CEP57L1: variants seen among roughly 807,000 people sequenced by gnomAD.
CEP57L1 encodes centrosomal protein 57 like 1.
Under a neutral mutation model 61.0 loss-of-function variants are expected in CEP57L1, and 37 were observed. The observed-to-expected ratio is 0.61, with a 90% CI of 0.47 to 0.80. The LOEUF (loss-of-function observed/expected upper bound fraction) is 0.80. Ranked by LOEUF, CEP57L1 falls within the 30% of genes least tolerant of loss-of-function variation. The pLI is 0.00. For synonymous variants in CEP57L1, 137 were observed against 162.3 expected, an observed-to-expected ratio of 0.84 and a Z score of 1.19; for missense variants, 422 against 524.7, an observed-to-expected ratio of 0.80 and a Z score of 1.91.
intron 1 of CEP57L1, among the ~76,000 whole-genome samples, chr6:109,118,219 TAG>T (rs1475818054): frequency 6.6e-6 from 1 of 152,198 alleles, no homozygotes; most frequent in African/African-American, 2.4e-5. Flanking sequence ...GTATTTTTAG[TAG>T]AGACAGGGTT....
At chr6:109,150,262 A>G (rs1243035062) in intron 4 of CEP57L1, 23 bp downstream of exon 4, 8 of 1,580,616 alleles carry the variant, frequency 5.1e-6, no homozygotes, top group Non-Finnish European at 6.9e-6. Flanking sequence ...TCTATAAGGA[A>G]TGATAATATA....
intron 1 of CEP57L1, among the ~76,000 whole-genome samples, chr6:109,128,162 C>T (rs971164315): frequency 3.3e-5 from 5 of 152,176 alleles, no homozygotes; most frequent in Non-Finnish European, 7.4e-5. Flanking sequence ...ATTCATATTT[C>T]AGTCTGCTTG....
intron 10 of CEP57L1, among the ~76,000 whole-genome samples, chr6:109,162,243 A>G (rs1773781060): frequency 6.6e-6 from 1 of 152,134 alleles, no homozygotes; most frequent in African/African-American, 2.4e-5. Flanking sequence ...ATACATATGC[A>G]CATGTGTGTG....
In CEP57L1 at chr6:109,172,603, G is replaced by T. The variant is rs909458208; in HGVS notation, c.*9633G>T. The stretch of plus-strand genomic sequence containing the variant: ...ACTGCGGTATTGTTTTTTGTTTTCT[G>T]ACCCAAAAGTGATGTGCATTGCTTA... On this transcript the variant is annotated 3_prime_UTR_variant, in exon 11 of 11. Coordinates refer to ENST00000517392, the MANE Select transcript of CEP57L1 (RefSeq NM_001271852.3). 1.3e-5 allele frequency among the ~76,000 whole-genome samples: 2 copies of T among 152,056 alleles called. No individual in the cohort carries two copies. The highest frequency in any genetic ancestry group is 2.9e-5 in the Non-Finnish European group (2 of 68,000).
chr6:109,148,604 C>A lies in CEP57L1; in HGVS notation c.341-1514C>A, dbSNP rs549785320. Among the ~76,000 whole-genome samples, 62 of 152,180 alleles carry A rather than the reference C, an allele frequency of 4.1e-4. No individual in the cohort carries two copies. In the East Asian group the frequency reaches 6.8e-3, roughly 17 times the overall value. ...ACGTGTGCATGTGTCTTTGTAGCAG[C>A]ATGATTTATAATCCTTTGGGTATAT... is the stretch of plus-strand genomic sequence containing the variant. On this transcript the variant is annotated intron_variant, in intron 3 of 10. Transcript: ENST00000517392.
At chr6:109,124,434 T>G (rs988922549) in intron 1 of CEP57L1, among the ~76,000 whole-genome samples, 1 of 152,172 alleles carries the variant, frequency 6.6e-6, no homozygotes, top group Non-Finnish European at 1.5e-5. Flanking sequence ...CAATATAGTG[T>G]GGTGATTTAG....
At chr6:109,149,028 C>A (rs1403430009) in intron 3 of CEP57L1, among the ~76,000 whole-genome samples, 5 of 152,166 alleles carry the variant, frequency 3.3e-5, no homozygotes, top group African/African-American at 1.2e-4. Flanking sequence ...AGCCCTTTGT[C>A]AGATGAATAG....
intron 1 of CEP57L1, among the ~76,000 whole-genome samples, chr6:109,141,194 C>T (rs112952485): frequency 6.6e-6 from 1 of 151,940 alleles, no homozygotes; most frequent in African/African-American, 2.4e-5. Flanking sequence ...CAAGATGAAG[C>T]CTTAAATGGA....
chr6:109,150,331 G>C, intron 4 of CEP57L1, 92 bp downstream of exon 4: 2 of 1,491,290 alleles, frequency 1.3e-6, no homozygotes, highest in Non-Finnish European at 1.8e-6. Flanking sequence ...GGCAAAGGTG[G>C]CATAATGTTA....
At chr6:109,125,974 A>G (rs913877419) in intron 1 of CEP57L1, among the ~76,000 whole-genome samples, 1 of 152,146 alleles carries the variant, frequency 6.6e-6, no homozygotes, top group Non-Finnish European at 1.5e-5. Flanking sequence ...AAAGCACAAT[A>G]TGTGTGTGTG....
chr6:109,101,110 A>G (rs1782341255), intron 1 of CEP57L1, among the ~76,000 whole-genome samples: 1 of 152,082 alleles, frequency 6.6e-6, no homozygotes, highest in South Asian at 2.1e-4. Flanking sequence ...CTGTCTTAGG[A>G]AAAAAACAAA....
Position 109,148,160 on chromosome 6 carries a change from C to A in CEP57L1, c.340+1223C>A, listed in dbSNP as rs530327799. On this transcript the variant is annotated intron_variant, in intron 3 of 10. Coordinates refer to ENST00000517392, the MANE Select transcript of CEP57L1 (RefSeq NM_001271852.3). Reference sequence around the variant, plus strand: ...TACTTTAAGTTTTAGGGTACATGTGCACAATGTGCAGGTTAGTTACATATG... The same window carrying A: ...TACTTTAAGTTTTAGGGTACATGTGAACAATGTGCAGGTTAGTTACATATG... Among the ~76,000 whole-genome samples, 157 of 151,834 alleles carry A rather than the reference C, an allele frequency of 1.0e-3. 1 individual carries two copies. The highest frequency in any genetic ancestry group is 1.8e-3 in the Non-Finnish European group (123 of 67,930).
At chr6:109,120,887 A>G (rs1453203581) in intron 1 of CEP57L1, among the ~76,000 whole-genome samples, 1 of 150,970 alleles carries the variant, frequency 6.6e-6, no homozygotes, top group Non-Finnish European at 1.5e-5. Context: ...CTGCAGTCTT[A>G]GAAAATTCCT....
rs533524797 is a variant in CEP57L1, at chr6:109,096,592, A to G, written c.-4+1017A>G. Among the ~76,000 whole-genome samples, 3 of 152,340 alleles carry G rather than the reference A, an allele frequency of 2.0e-5. No homozygotes were observed. The South Asian group carries it at 6.2e-4, about 32-fold the overall frequency. On this transcript the variant is annotated intron_variant, in intron 1 of 10. Coordinates refer to ENST00000517392, the MANE Select transcript of CEP57L1 (RefSeq NM_001271852.3). ...TTGTGTATTGATGCACTTAGAAGCT[A>G]CAAAGAGACAGGTATTGTGAATTCT...
chr6:109,151,239 T>C (rs2114906828), intron 4 of CEP57L1, among the ~76,000 whole-genome samples: 1 of 152,270 alleles, frequency 6.6e-6, no homozygotes, highest in Admixed American at 6.5e-5. Flanking sequence ...TTTAAGGAAC[T>C]AGAGAATTTA....
intron 1 of CEP57L1, among the ~76,000 whole-genome samples, chr6:109,109,279 GCTTCAT>G (rs1445297049): frequency 6.6e-6 from 1 of 152,114 alleles, no homozygotes; most frequent in Admixed American, 6.5e-5. Context: ...GAAAATGCAT[GCTTCAT>G]CTTCATTTTG....
At chr6:109,130,454 A>G (rs1463089650) in intron 1 of CEP57L1, among the ~76,000 whole-genome samples, 1 of 152,106 alleles carries the variant, frequency 6.6e-6, no homozygotes, top group African/African-American at 2.4e-5. Context: ...GCTTGTATAT[A>G]TCACATTTTG....
chr6:109,156,066 T>TA lies in CEP57L1; in HGVS notation c.744+196dup. ...ACAGAAAATTTCATAAGATTCAGGTTAAAAAAAGTAGCAGCAGTCATGTAC... is the reference window on the plus strand; with the variant it reads ...ACAGAAAATTTCATAAGATTCAGGTTAAAAAAAAGTAGCAGCAGTCATGTAC... On this transcript the variant is annotated intron_variant, in intron 7 of 10. Transcript: ENST00000517392. The TA allele has an allele frequency of 9.7e-6, 4 of 414,268 alleles. No individual in the cohort carries two copies. The Admixed American group carries it at 1.4e-4, about 14-fold the overall frequency. The allele number at this position is 414,268 out of a possible 1,614,324, so 25.7% of individuals were successfully genotyped here. A position where few individuals can be genotyped will look rare whatever the true frequency, so the allele number is the denominator to read the frequency against.
intron 10 of CEP57L1, among the ~76,000 whole-genome samples, chr6:109,161,768 A>G (rs775966144): frequency 6.6e-6 from 1 of 152,108 alleles, no homozygotes; most frequent in Non-Finnish European, 1.5e-5. Context: ...CTCAGGTTGT[A>G]TATATATACT....
Sources: gnomAD v4.1 joint callset for allele counts (sites outside exome capture counted in the v4.1 genomes callset) on GRCh38, gnomAD v4.1.1 for gene constraint, MANE v1.5 for transcripts, NCBI Gene and HGNC (gene_info 2026-07-23, HGNC 2026-07-21) for gene names.